The following FHIT variants were observed in gnomAD, a reference collection of about 807,000 sequenced individuals.
The protein encoded by FHIT is bis(5'-adenosyl)-triphosphatase.
Under a neutral mutation model 17.9 loss-of-function variants are expected in FHIT, and 19 were observed. That is an observed-to-expected ratio of 1.06 (90% CI 0.74 to 1.56). FHIT has a LOEUF of 1.56. Ranked by LOEUF, FHIT falls within the 40% of genes most tolerant of loss-of-function variation. FHIT has a pLI of 0.00. For synonymous variants in FHIT, 81 were observed against 69.7 expected (o/e 1.16, Z -0.81); for missense variants, 248 against 189.2 (o/e 1.31, Z -1.82).
intron 8 of FHIT, among the ~76,000 whole-genome samples, chr3:59,825,242 C>T (rs1038395402): frequency 6.6e-6 from 1 of 152,136 alleles, no homozygotes; most frequent in African/African-American, 2.4e-5. Context: ...GATGGATTTT[C>T]TATGAAGATC....
chr3:60,239,086 G>A (rs1704971703), intron 5 of FHIT, among the ~76,000 whole-genome samples: 1 of 152,126 alleles, frequency 6.6e-6, no homozygotes, highest in Non-Finnish European at 1.5e-5. Flanking sequence ...GTATTTGTGA[G>A]CAAAAGGTCA....
intron 5 of FHIT, among the ~76,000 whole-genome samples, chr3:60,145,240 G>GT (rs1700193164): frequency 6.6e-6 from 1 of 152,048 alleles, no homozygotes; most frequent in Admixed American, 6.6e-5. Context: ...AATACACAAG[G>GT]TTTTTTGTCT....
intron 5 of FHIT, among the ~76,000 whole-genome samples, chr3:60,299,058 T>C (rs1000078727): frequency 2.0e-5 from 3 of 152,252 alleles, no homozygotes; most frequent in Middle Eastern, 3.4e-3. Context: ...CTGCTGGAAC[T>C]TCTCTGTCCC....
At chr3:59,838,416 C>T (rs1701414323) in intron 8 of FHIT, among the ~76,000 whole-genome samples, 1 of 152,218 alleles carries the variant, frequency 6.6e-6, no homozygotes, top group Non-Finnish European at 1.5e-5. Context: ...CCCTCACCCC[C>T]AGCTACTGTT....
At chr3:61,214,851 A>T (rs901394035) in intron 1 of FHIT, among the ~76,000 whole-genome samples, 1 of 152,218 alleles carries the variant, frequency 6.6e-6, no homozygotes, top group Non-Finnish European at 1.5e-5. Context: ...GGCTGGTCCA[A>T]TGTATGCAAA....
chr3:60,599,225 A>G lies in FHIT; in HGVS notation c.-17-62246T>C, dbSNP rs183279682. 1.4e-4 allele frequency among the ~76,000 whole-genome samples: 21 copies of G among 152,282 alleles called. No individual in the cohort carries two copies. The East Asian group carries it at 3.9e-3, about 28-fold the overall frequency. ...ATTGTCTATAATTTTATTGTGTTAGAACACAAAGGGGCTCACTATTCTTCC... is the reference window on the plus strand; with the variant it reads ...ATTGTCTATAATTTTATTGTGTTAGGACACAAAGGGGCTCACTATTCTTCC... On this transcript the variant is annotated intron_variant, in intron 4 of 9. Transcript: ENST00000492590.
chr3:61,110,019 C>T (rs1261178095), intron 2 of FHIT, among the ~76,000 whole-genome samples: 1 of 152,208 alleles, frequency 6.6e-6, no homozygotes, highest in Non-Finnish European at 1.5e-5. Context: ...AATTCCCCAA[C>T]AGTCTCAGCT....
Position 60,423,735 on chromosome 3 carries a change from G to T in FHIT, c.103+113125C>A, listed in dbSNP as rs541929019. ...CTTCTACCAGTCCTGGTGCAGCTAA[G>T]TAATGCAGCTGACCATTAGCACACC... is the stretch of plus-strand genomic sequence containing the variant. On this transcript the variant is annotated intron_variant, in intron 5 of 9. Coordinates refer to ENST00000492590, the MANE Select transcript of FHIT (RefSeq NM_002012.4). Among the ~76,000 whole-genome samples, 181 of 152,272 alleles carry T rather than the reference G, an allele frequency of 1.2e-3. 1 individual carries two copies. Among genetic ancestry groups the T allele is most frequent in the African/African-American group, 4.1e-3 (171 of 41,566 alleles).
chr3:60,657,230 G>T (rs2040138299), intron 4 of FHIT, among the ~76,000 whole-genome samples: 1 of 152,158 alleles, frequency 6.6e-6, no homozygotes, highest in African/African-American at 2.4e-5. Flanking sequence ...ACTAGGAAAT[G>T]GAGGAGGTGA....
chr3:60,875,529 T>C (rs143591900), intron 3 of FHIT, among the ~76,000 whole-genome samples: 2 of 152,320 alleles, frequency 1.3e-5, no homozygotes, highest in African/African-American at 2.4e-5. Flanking sequence ...TTTAATTTAA[T>C]GGGCCTCTCC....
chr3:60,989,774 T>A (rs1257982963), intron 3 of FHIT, among the ~76,000 whole-genome samples: 1 of 152,158 alleles, frequency 6.6e-6, no homozygotes, highest in East Asian at 1.9e-4. Context: ...CAGTGTTTAA[T>A]AAGCAATGCA....
At chr3:60,847,338 C>A (rs2106893891) in intron 3 of FHIT, among the ~76,000 whole-genome samples, 1 of 110,244 alleles carries the variant, frequency 9.1e-6, no homozygotes, top group African/African-American at 3.4e-5. Context: ...GTTGCTTGCA[C>A]ATTTTAGGCA....
intron 9 of FHIT, 177 bp downstream of exon 9, chr3:59,752,044 G>C (rs373169009): frequency 1.5e-4 from 73 of 491,914 alleles, no homozygotes; most frequent in African/African-American, 1.4e-3. Context: ...AAGAGACTGG[G>C]AGGCTGGGAA....
At chr3:60,819,902 T>C (rs1175719483) in intron 4 of FHIT, among the ~76,000 whole-genome samples, 2 of 152,190 alleles carry the variant, frequency 1.3e-5, no homozygotes, top group Non-Finnish European at 2.9e-5. Flanking sequence ...TAGGAGTAAG[T>C]AGGGTTTCTA....
intron 3 of FHIT, among the ~76,000 whole-genome samples, chr3:60,834,063 G>T (rs6782282): frequency 6.6e-6 from 1 of 152,028 alleles, no homozygotes; most frequent in African/African-American, 2.4e-5. Context: ...GTCCAGTTTG[G>T]GGCTATTACA....
intron 3 of FHIT, among the ~76,000 whole-genome samples, chr3:60,856,938 C>A (rs187736486): frequency 4.6e-5 from 7 of 152,280 alleles, no homozygotes; most frequent in South Asian, 2.1e-4. Flanking sequence ...AGATTATCCA[C>A]AACCATGCCC....
intron 7 of FHIT, among the ~76,000 whole-genome samples, chr3:59,947,653 G>T (rs1012057339): frequency 4.6e-5 from 7 of 152,076 alleles, no homozygotes; most frequent in South Asian, 2.1e-4. Context: ...ACCCTGGGGG[G>T]GCTGGTACCA....
At chr3:60,652,165 G>C (rs1485844977) in intron 4 of FHIT, among the ~76,000 whole-genome samples, 4 of 152,126 alleles carry the variant, frequency 2.6e-5, no homozygotes, top group East Asian at 1.9e-4. Context: ...GCTGAAAAGG[G>C]GGGTTAATTA....
At chr3:61,021,909 G>A (rs150021478) in intron 3 of FHIT, among the ~76,000 whole-genome samples, 3,080 of 152,092 alleles carry the variant, frequency 0.02, 67 homozygotes, top group African/African-American at 0.048. Flanking sequence ...ATCTAAAATC[G>A]ACACCCTAAC....
Sources: gnomAD v4.1 joint callset for allele counts (sites outside exome capture counted in the v4.1 genomes callset) on GRCh38, gnomAD v4.1.1 for gene constraint, MANE v1.5 for transcripts, NCBI Gene and HGNC (gene_info 2026-07-23, HGNC 2026-07-21) for gene names.